Variants in ANKRD17 observed in about 807,000 individuals in gnomAD.
The protein encoded by ANKRD17 is ankyrin repeat domain-containing protein 17.
ANKRD17 carries 19 observed loss-of-function variants against 229.7 expected under a neutral mutation model. The ratio of observed to expected loss-of-function variants is 0.08; its 90% CI spans 0.06 to 0.12. ANKRD17 has a LOEUF of 0.12. Ranked by LOEUF, ANKRD17 falls within the 10% of genes least tolerant of loss-of-function variation. ANKRD17 has a pLI of 1.00. For missense variants in ANKRD17, 2,176 were observed against 3,176.8 expected, an observed-to-expected ratio of 0.68 and a Z score of 7.57; for synonymous variants, 1,112 against 1,146.1, an observed-to-expected ratio of 0.97 and a Z score of 0.60.
chr4:73,117,399 A>G (rs1485443257), intron 22 of ANKRD17, among the ~76,000 whole-genome samples: 1 of 152,236 alleles, frequency 6.6e-6, no homozygotes, highest in Admixed American at 6.5e-5. Context: ...AAATGATTTC[A>G]GAAACTGGGG....
chr4:73,077,175 T>C, intron 32 of ANKRD17, 71 bp from the exon 33 acceptor site: 1 of 1,438,286 alleles, frequency 7.0e-7, no homozygotes, highest in Non-Finnish European at 9.2e-7. Flanking sequence ...TCAATAGCCT[T>C]AAAATTGATA....
At chr4:73,137,716 G>C (rs1372801299) in intron 15 of ANKRD17, among the ~76,000 whole-genome samples, 2 of 152,072 alleles carry the variant, frequency 1.3e-5, no homozygotes, top group Non-Finnish European at 2.9e-5. Context: ...CCATAGAAAT[G>C]AGCATAATAA....
At chr4:73,190,123 T>C (rs903481502) in intron 1 of ANKRD17, among the ~76,000 whole-genome samples, 8 of 152,142 alleles carry the variant, frequency 5.3e-5, no homozygotes, top group Admixed American at 2.6e-4. Flanking sequence ...AATCCTAGCA[T>C]GTTGGGAGGC....
chr4:73,120,857 T>C, intron 20 of ANKRD17, 24 bp downstream of exon 20: 5 of 1,596,666 alleles, frequency 3.1e-6, no homozygotes, highest in Non-Finnish European at 4.3e-6. Context: ...TAAATTCATG[T>C]GTAAATCTCA....
chr4:73,112,815 T>A (rs1356567207), intron 24 of ANKRD17: 1 of 561,970 alleles, frequency 1.8e-6, no homozygotes, highest in Non-Finnish European at 2.2e-6. Flanking sequence ...TGAGACGGAG[T>A]CTCACTCTGT....
intron 1 of ANKRD17, among the ~76,000 whole-genome samples, chr4:73,184,528 C>CAAAAA (rs776930137): frequency 0.092 from 2,515 of 27,330 alleles, 1 homozygote; most frequent in Non-Finnish European, 0.12. Context: ...GACTTCCTCT[C>CAAAAA]AAAAAAAAAA....
intron 1 of ANKRD17, among the ~76,000 whole-genome samples, chr4:73,216,492 A>G (rs1169397585): frequency 5.3e-5 from 8 of 152,176 alleles, no homozygotes; most frequent in Admixed American, 2.0e-4. Context: ...GGCGGGGGTG[A>G]CAGCATAAGG....
chr4:73,108,067 C>CTGCCTA (rs757893424), intron 24 of ANKRD17, among the ~76,000 whole-genome samples: 2 of 152,154 alleles, frequency 1.3e-5, no homozygotes, highest in African/African-American at 2.4e-5. Context: ...AGCACAATCA[C>CTGCCTA]AGCTCACCGC....
chr4:73,090,456 T>G (rs1219879068), intron 29 of ANKRD17, among the ~76,000 whole-genome samples: 1 of 152,128 alleles, frequency 6.6e-6, no homozygotes, highest in Non-Finnish European at 1.5e-5. Context: ...AAGACTTATT[T>G]ATGGAAAATT....
At chr4:73,145,736 A>T (rs1730184596) in intron 10 of ANKRD17, among the ~76,000 whole-genome samples, 1 of 152,278 alleles carries the variant, frequency 6.6e-6, no homozygotes, top group African/African-American at 2.4e-5. Flanking sequence ...AGCACTTATT[A>T]TATACGTTCT....
intron 16 of ANKRD17, among the ~76,000 whole-genome samples, chr4:73,128,651 T>A (rs1026905734): frequency 3.3e-5 from 5 of 152,140 alleles, no homozygotes; most frequent in African/African-American, 9.7e-5. Flanking sequence ...AGCTTACTGA[T>A]TACTACACAG....
At chr4:73,160,339 C>G (rs1438583376) in intron 3 of ANKRD17, among the ~76,000 whole-genome samples, 1 of 151,732 alleles carries the variant, frequency 6.6e-6, no homozygotes, top group Non-Finnish European at 1.5e-5. Flanking sequence ...CCGCCTCAGC[C>G]TCCCGAGTAG....
intron 27 of ANKRD17, among the ~76,000 whole-genome samples, chr4:73,096,276 A>G (rs925273002): frequency 1.3e-5 from 2 of 152,192 alleles, no homozygotes; most frequent in Non-Finnish European, 2.9e-5. Context: ...ATATACAAAA[A>G]CCAAATTATC....
intron 15 of ANKRD17, among the ~76,000 whole-genome samples, chr4:73,138,506 G>A (rs1234765764): frequency 6.6e-6 from 1 of 151,474 alleles, no homozygotes; most frequent in East Asian, 1.9e-4. Context: ...TTTAAAAGAT[G>A]AAACTTAAAA....
chr4:73,086,000 A>C (rs890603044), intron 29 of ANKRD17, among the ~76,000 whole-genome samples: 13 of 152,104 alleles, frequency 8.5e-5, no homozygotes, highest in Non-Finnish European at 1.6e-4. Context: ...CACACACACA[A>C]AAAACTAAAC....
intron 21 of ANKRD17, among the ~76,000 whole-genome samples, chr4:73,119,340 G>A (rs1726408146): frequency 6.6e-6 from 1 of 152,062 alleles, no homozygotes; most frequent in Non-Finnish European, 1.5e-5. Flanking sequence ...ATCCTATGAG[G>A]CAACTGTAAC....
intron 29 of ANKRD17, among the ~76,000 whole-genome samples, chr4:73,086,952 A>ATATC (rs1457638208): frequency 3.1e-5 from 3 of 96,780 alleles, no homozygotes; most frequent in Non-Finnish European, 2.1e-5. Context: ...ATATATATAT[A>ATATC]TCTGTAGGAT....
At chr4:73,216,008 T>G (rs1272708198) in intron 1 of ANKRD17, among the ~76,000 whole-genome samples, 1 of 152,136 alleles carries the variant, frequency 6.6e-6, no homozygotes, top group African/African-American at 2.4e-5. Flanking sequence ...AAGGCTAAAG[T>G]GCATTATGAC....
intron 1 of ANKRD17, among the ~76,000 whole-genome samples, chr4:73,226,389 GT>G (rs1157719883): frequency 4.3e-3 from 373 of 87,598 alleles, no homozygotes; most frequent in Admixed American, 0.025. Flanking sequence ...CTTTTCTTCT[GT>G]TTTTTTTTTT....
Sources: allele counts gnomAD v4.1 joint callset (sites outside exome capture counted in the v4.1 genomes callset), GRCh38; gene constraint gnomAD v4.1.1; transcripts MANE v1.5; gene names NCBI Gene and HGNC (gene_info 2026-07-23, HGNC 2026-07-21).